The following EP400 variants were observed in gnomAD, a reference collection of about 807,000 sequenced individuals.
The protein encoded by EP400 is E1A binding protein p400, also known as E1A-binding protein p400.
In EP400, 105 loss-of-function variants were observed where a neutral mutation model predicts 354.1. The ratio of observed to expected loss-of-function variants is 0.30; its 90% CI spans 0.25 to 0.35. The LOEUF is 0.35. Ranked by LOEUF, EP400 falls within the 10% of genes least tolerant of loss-of-function variation. The pLI, the probability that EP400 is intolerant of heterozygous loss-of-function variation, is 1.00. For missense variants in EP400, 3,280 were observed against 4,121.0 expected (o/e 0.80, Z 5.59); for synonymous variants, 1,646 against 1,716.9 (o/e 0.96, Z 1.02).
At chr12:132,032,424 G>A (rs928101210) in intron 30 of EP400, among the ~76,000 whole-genome samples, 2 of 152,154 alleles carry the variant, frequency 1.3e-5, no homozygotes, top group African/African-American at 4.8e-5. Context: ...GCTTGAAATT[G>A]TAAGTTAGTG....
chr12:132,043,639 G>A lies in EP400; in HGVS notation c.6367-6G>A, dbSNP rs751414985. 26 of 1,602,748 alleles carry A rather than the reference G, an allele frequency of 1.6e-5. No individual in the cohort carries two copies. The highest frequency in any genetic ancestry group is 2.1e-5 in the Non-Finnish European group (25 of 1,176,988). On this transcript the variant is annotated splice_polypyrimidine_tract_variant and splice_region_variant and intron_variant, in intron 33 of 52. Transcript: ENST00000389561. Reference sequence around the variant, plus strand: ...ACCCTATTCAAAAAATATACTTTTGGAACAGCTTACACCAATTGAAAAATA... The same window carrying A: ...ACCCTATTCAAAAAATATACTTTTGAAACAGCTTACACCAATTGAAAAATA...
At chr12:132,039,037 A>AC (rs1187414668) in intron 32 of EP400, among the ~76,000 whole-genome samples, 57 of 152,162 alleles carry the variant, frequency 3.7e-4, no homozygotes, top group Non-Finnish European at 5.3e-4. Flanking sequence ...CAGGCACACT[A>AC]CACAGCCCCT....
Position 131,974,987 on chromosome 12 carries a change from CAA to C in EP400, c.1336-4686_1336-4685del, listed in dbSNP as rs764013155. Among the ~76,000 whole-genome samples the C allele has an allele frequency of 0.017, 722 of 43,220 alleles. 10 individuals carry two copies. In the South Asian group the frequency reaches 0.19, roughly 11 times the overall value. The allele number at this position is 43,220 out of a possible 152,430, so 28.4% of individuals were successfully genotyped here. Reference sequence around the variant, plus strand: ...CCTGGGCGACAGAGAGACTCCATCTCAAAAAAAAAAAAAAAAAAAAAAGACCA... The same window carrying C: ...CCTGGGCGACAGAGAGACTCCATCTCAAAAAAAAAAAAAAAAAAAAGACCA... On this transcript the variant is annotated intron_variant, in intron 2 of 52. Transcript: ENST00000389561.
At chr12:131,977,318 T>TA (rs1892517432) in intron 2 of EP400, among the ~76,000 whole-genome samples, 3 of 150,164 alleles carry the variant, frequency 2.0e-5, no homozygotes, top group African/African-American at 7.5e-5. Context: ...TTTTTTTTTT[T>TA]GTATTTTTAG....
rs562810514 is a variant in EP400, at chr12:132,052,121, T to A, written c.7395-1025T>A. ...AAGAGTAATTGCTACCAACTAATGA[T>A]TAATGATATTCATAGATAATCATAT... On this transcript the variant is annotated intron_variant, in intron 41 of 52. Transcript: ENST00000389561. This position sits in a 1 kb window ranked among gnomAD's most constrained non-coding sequence, Gnocchi z 4.4. 3.9e-5 allele frequency among the ~76,000 whole-genome samples: 6 copies of A among 152,246 alleles called. No individual in the cohort carries two copies. The highest frequency in any genetic ancestry group is 1.4e-4 in the African/African-American group (6 of 41,462).
intron 48 of EP400, chr12:132,065,614 C>G (rs1895865437): frequency 6.6e-6 from 1 of 152,270 alleles, no homozygotes; most frequent in Non-Finnish European, 1.5e-5. Flanking sequence ...CACCCAAATC[C>G]CACAACCAAT....
At chr12:131,972,222 G>A (rs1195993018) in intron 2 of EP400, among the ~76,000 whole-genome samples, 6 of 150,860 alleles carry the variant, frequency 4.0e-5, no homozygotes, top group Non-Finnish European at 4.4e-5. Context: ...GCGCGATCTC[G>A]GTTCACCGCA....
chr12:132,077,350 C>A, intron 52 of EP400, 51 bp from the exon 53 acceptor site: 1 of 1,576,958 alleles, frequency 6.3e-7, no homozygotes, highest in Non-Finnish European at 8.6e-7. Flanking sequence ...TTTTCCTGTC[C>A]CTGGACTGAG....
rs1343026765 is a variant in EP400 at position 132,017,208 on chromosome 12, C to G, written c.3924-327C>G. Among the ~76,000 whole-genome samples, 1 of 152,252 alleles carries G rather than the reference C, an allele frequency of 6.6e-6. No homozygotes were observed. The highest frequency in any genetic ancestry group is 2.1e-4 in the South Asian group (1 of 4,834). On this transcript the variant is annotated intron_variant, in intron 19 of 52. Coordinates refer to ENST00000389561, the MANE Select transcript of EP400 (RefSeq NM_015409.5). This position sits in a 1 kb window ranked among gnomAD's most constrained non-coding sequence, Gnocchi z 5.0. ...GTGTGAGGGGCTTTACTCTGCTGCG[C>G]TCACCCTGCCCCTCACTTTGCTCAT...
Position 132,043,358 on chromosome 12 carries a change from G to A in EP400, c.6262G>A (p.Gly2088Arg), listed in dbSNP as rs148271415. ...EEDAQKSAQE[G>R]VLGPHTDALS... is the part of the protein sequence containing the mutation. ...GGATGCCCAGAAGTCCGCACAGGAG[G>A]GGGTGCTGGGACCACACACTGATGC... The change falls in exon 33 of 53, where the codon GGG becomes AGG. Residue 2088 changes from glycine (G) to arginine (R), a missense_variant. Physicochemically the swap from Gly to Arg is moderately radical, Grantham distance 125. Around this residue, in one of 20 missense-constraint regions of EP400, gnomAD observed 54 missense variants for 41.3 expected, o/e 1.31. Transcript: ENST00000389561. The A allele has an allele frequency of 5.6e-5, 91 of 1,614,096 alleles. 4 individuals carry two copies. In the South Asian group the frequency reaches 7.9e-4, roughly 14 times the overall value.
chr12:132,045,195 G>T, intron 37 of EP400, 124 bp from the exon 38 acceptor site: 5 of 1,467,312 alleles, frequency 3.4e-6, no homozygotes, highest in Non-Finnish European at 4.6e-6. Flanking sequence ...TCTTTGGCAG[G>T]TGCTTTCTGT....
At chr12:132,047,683 T>C (rs1488368495) in intron 39 of EP400, among the ~76,000 whole-genome samples, 1 of 152,232 alleles carries the variant, frequency 6.6e-6, no homozygotes, top group African/African-American at 2.4e-5. Context: ...TTAAAATTGT[T>C]AATGAAGTTT....
At chr12:131,982,546 C>T in intron 5 of EP400, 68 bp downstream of exon 5, 1 of 1,518,276 alleles carries the variant, frequency 6.6e-7, no homozygotes, top group Non-Finnish European at 8.9e-7. Flanking sequence ...GTGTGTTAGA[C>T]AGAGTGTCAC....
intron 7 of EP400, 97 bp from the exon 8 acceptor site, chr12:131,989,867 A>T: frequency 7.1e-7 from 1 of 1,405,002 alleles, no homozygotes; most frequent in Non-Finnish European, 9.7e-7. Context: ...AATTGTATGT[A>T]ATTTTAGTCT....
intron 1 of EP400, among the ~76,000 whole-genome samples, chr12:131,950,866 C>T (rs571246808): frequency 6.6e-6 from 1 of 152,264 alleles, no homozygotes; most frequent in South Asian, 2.1e-4. Flanking sequence ...GGACCAAAGG[C>T]TTGGGCCACC....
At chr12:132,020,293 G>A (rs958509722) in intron 22 of EP400, 75 bp downstream of exon 22, 28 of 1,473,168 alleles carry the variant, frequency 1.9e-5, no homozygotes, top group African/African-American at 4.3e-5. Flanking sequence ...CTTTCTTCTC[G>A]CGCCTCTGGA....
Position 132,021,215 on chromosome 12 carries a change from C to T in EP400, c.4584C>T (p.Thr1528=). The change falls in exon 23 of 53, where the codon ACC becomes ACT. Residue 1528 remains threonine, a synonymous_variant. Coordinates refer to ENST00000389561, the MANE Select transcript of EP400 (RefSeq NM_015409.5). ...CCCAGACCACAGCACAGGCCTCCACCCCAGGCCAGCCCCCGCCCCAGCCCC... is the reference window on the plus strand; with the variant it reads ...CCCAGACCACAGCACAGGCCTCCACTCCAGGCCAGCCCCCGCCCCAGCCCC... ...LRAQTTAQAS[T]PGQPPPQPQA... The T allele has an allele frequency of 1.9e-6, 3 of 1,594,282 alleles. No individual in the cohort carries two copies. The highest frequency in any genetic ancestry group is 1.3e-5 in the African/African-American group (1 of 74,844).
Position 131,990,127 on chromosome 12 carries a change from G to C in EP400, c.2550+23G>C, listed in dbSNP as rs1447127724. On this transcript the variant is annotated intron_variant, in intron 8 of 52. Transcript: ENST00000389561. This position sits in a 1 kb window ranked among gnomAD's most constrained non-coding sequence, Gnocchi z 4.2. Reference sequence around the variant, plus strand: ...CAGGCGAGTGCTGCCGTTGTCATGGGGTCGTAAGAATCAGTCTGTCGGAGC... The same window carrying C: ...CAGGCGAGTGCTGCCGTTGTCATGGCGTCGTAAGAATCAGTCTGTCGGAGC... 1 of 1,586,110 alleles carries C rather than the reference G, an allele frequency of 6.3e-7. No homozygotes were observed. Among genetic ancestry groups the C allele is most frequent in the Non-Finnish European group, 8.6e-7 (1 of 1,169,070 alleles).
Position 132,010,185 on chromosome 12 carries a change from C to CAAGT in EP400, c.3305-1312_3305-1309dup, listed in dbSNP as rs1248085673. 2.7e-5 allele frequency among the ~76,000 whole-genome samples: 4 copies of CAAGT among 150,702 alleles called. No homozygotes were observed. The East Asian group carries it at 7.9e-4, about 30-fold the overall frequency. Reference sequence around the variant, plus strand: ...TCACTGCAACCTCTGCCTCCGGGTTCAAGTGATTCTCCTTCCTCAGCCTCC... The same window carrying CAAGT: ...TCACTGCAACCTCTGCCTCCGGGTTCAAGTAAGTGATTCTCCTTCCTCAGCCTCC... On this transcript the variant is annotated intron_variant, in intron 15 of 52. Transcript: ENST00000389561.
Sources: gnomAD v4.1 joint callset for allele counts (sites outside exome capture counted in the v4.1 genomes callset) on GRCh38, gnomAD v4.1.1 for gene constraint, gnomAD v4.1.1 regional missense constraint, Gnocchi (gnomAD v3.1) non-coding constraint, MANE v1.5 for transcripts, NCBI Gene and HGNC (gene_info 2026-07-23, HGNC 2026-07-21) for gene names.